Variants in NFASC observed in about 807,000 individuals in gnomAD.
NFASC encodes neurofascin.
A neutral mutation model predicts 147.5 loss-of-function variants in NFASC; 43 were observed. The observed-to-expected ratio is 0.29, with a 90% CI of 0.23 to 0.38. NFASC has a LOEUF of 0.38. Ranked by LOEUF, NFASC falls within the 10% of genes least tolerant of loss-of-function variation. The pLI is 1.00. For synonymous variants in NFASC, 622 were observed against 665.5 expected, an observed-to-expected ratio of 0.93 and a Z score of 1.01; for missense variants, 1,320 against 1,689.0, an observed-to-expected ratio of 0.78 and a Z score of 3.83.
chr1:204,830,436 G>A (rs1266630832), intron 1 of NFASC, among the ~76,000 whole-genome samples: 1 of 152,172 alleles, frequency 6.6e-6, no homozygotes, highest in Non-Finnish European at 1.5e-5. Context: ...GATTGGATGT[G>A]GTGGAATTGC....
intron 8 of NFASC, 142 bp downstream of exon 8, chr1:204,957,968 C>T: frequency 1.4e-5 from 10 of 709,322 alleles, no homozygotes; most frequent in Non-Finnish European, 2.1e-5. Flanking sequence ...GGTGCCTGAG[C>T]CACTTCAGCT....
At chr1:205,009,079 C>T (rs145338804) in intron 27 of NFASC, 5,895 of 246,664 alleles carry the variant, frequency 0.024, 101 homozygotes, top group Non-Finnish European at 0.036. Context: ...TGCAGGCCTG[C>T]GAAGGTGTTC....
chr1:204,887,099 G>C (rs2081437315), intron 1 of NFASC, among the ~76,000 whole-genome samples: 1 of 152,036 alleles, frequency 6.6e-6, no homozygotes, highest in South Asian at 2.1e-4. Context: ...TCCATCTCCA[G>C]AACTTTCTCA....
intron 27 of NFASC, among the ~76,000 whole-genome samples, chr1:205,006,819 G>T (rs781695352): frequency 2.0e-5 from 3 of 152,194 alleles, no homozygotes; most frequent in Non-Finnish European, 4.4e-5. Flanking sequence ...ATCAAGGCAG[G>T]GGGCAGGAAG....
intron 10 of NFASC, 59 bp downstream of exon 10, chr1:204,969,041 C>T: frequency 6.7e-7 from 1 of 1,502,348 alleles, no homozygotes; most frequent in Non-Finnish European, 9.1e-7. Flanking sequence ...CCATGCCCAC[C>T]CTTCCCTCTG....
chr1:204,986,150 G>A lies in NFASC; in HGVS notation c.2471-1268G>A, dbSNP rs1270466890. On this transcript the variant is annotated intron_variant, in intron 21 of 29. Coordinates refer to ENST00000339876, the MANE Select transcript of NFASC (RefSeq NM_001005388.3). The surrounding 1 kb of genome is among the most constrained non-coding windows in gnomAD (Gnocchi z 4.2). ...CCTGCAGCTCTTCAGGGTGGGGCAG[G>A]AGAAGGGTGGCACACACCTTGGGCC... 3 of 1,492,924 alleles carry A rather than the reference G, an allele frequency of 2.0e-6. No homozygotes were observed. The highest frequency in any genetic ancestry group is 2.3e-5 in the East Asian group (1 of 44,292). 92.5% of individuals were successfully genotyped at this position (1,492,924 alleles called of 1,614,324 possible). A position where few individuals can be genotyped will look rare whatever the true frequency, so the allele number is the denominator to read the frequency against.
intron 2 of NFASC, among the ~76,000 whole-genome samples, chr1:204,925,717 A>C (rs1038395855): frequency 6.6e-6 from 1 of 152,118 alleles, no homozygotes; most frequent in African/African-American, 2.4e-5. Flanking sequence ...TGGTTTTCAA[A>C]TGGCTTTAGG....
chr1:204,906,487 C>T (rs922480134), intron 1 of NFASC, among the ~76,000 whole-genome samples: 6 of 152,144 alleles, frequency 3.9e-5, no homozygotes, highest in Admixed American at 1.3e-4. Context: ...TCTTTTACTT[C>T]ATGTATTTGA....
At chr1:204,976,149 A>G (rs1341103181) in intron 15 of NFASC, among the ~76,000 whole-genome samples, 1 of 151,474 alleles carries the variant, frequency 6.6e-6, no homozygotes, top group East Asian at 1.9e-4. Context: ...CCCTCTGTAA[A>G]CCTTCTGGCA....
At chr1:204,900,554 T>C (rs1352181397) in intron 1 of NFASC, among the ~76,000 whole-genome samples, 1 of 152,214 alleles carries the variant, frequency 6.6e-6, no homozygotes, top group Non-Finnish European at 1.5e-5. Context: ...AGAATCGCTG[T>C]CTCTCAAGGA....
rs1289487493 is a variant in NFASC, at chr1:204,979,644, A to C, written c.2176+85A>C. 7.6e-6 allele frequency: 10 copies of C among 1,313,264 alleles called. No individual in the cohort carries two copies. Among genetic ancestry groups the C allele is most frequent in the South Asian group, 2.4e-5 (2 of 84,332 alleles). The allele number at this position is 1,313,264 out of a possible 1,614,324, so 81.4% of individuals were successfully genotyped here. On this transcript the variant is annotated intron_variant, in intron 19 of 29. Coordinates refer to ENST00000339876, the MANE Select transcript of NFASC (RefSeq NM_001005388.3). This position sits in a 1 kb window ranked among gnomAD's most constrained non-coding sequence, Gnocchi z 6.0. ...AGATCCCCCCATTCCCAGCCATGTG[A>C]ACTTAGGTTACTTAACTTCTCCAAG...
intron 1 of NFASC, among the ~76,000 whole-genome samples, chr1:204,839,379 AC>A (rs1674639441): frequency 1.1e-5 from 1 of 87,458 alleles, no homozygotes; most frequent in Non-Finnish European, 2.0e-5. Context: ...ACACACACAC[AC>A]ACACACACAC....
At chr1:204,938,396 A>T (rs1033537097) in intron 2 of NFASC, among the ~76,000 whole-genome samples, 4 of 152,218 alleles carry the variant, frequency 2.6e-5, no homozygotes, top group African/African-American at 9.7e-5. Context: ...GCTGTGCCCC[A>T]TGCTTTACCA....
At chr1:204,848,848 C>G (rs921491227) in intron 1 of NFASC, among the ~76,000 whole-genome samples, 1 of 152,190 alleles carries the variant, frequency 6.6e-6, no homozygotes, top group African/African-American at 2.4e-5. Flanking sequence ...AGCTTAGAAG[C>G]AAAGCGTTCA....
intron 8 of NFASC, among the ~76,000 whole-genome samples, chr1:204,964,043 GC>G (rs1417219106): frequency 1.3e-5 from 2 of 152,202 alleles, no homozygotes; most frequent in African/African-American, 4.8e-5. Flanking sequence ...ATTGTAACTT[GC>G]CGCTTAGGAT....
intron 1 of NFASC, among the ~76,000 whole-genome samples, chr1:204,868,606 G>T (rs1445954871): frequency 6.6e-6 from 1 of 152,208 alleles, no homozygotes; most frequent in Non-Finnish European, 1.5e-5. Flanking sequence ...TGAGAAAGGG[G>T]CTGCTGTCCA....
In NFASC at chr1:204,957,204, C is replaced by T. The variant is rs182009574; in HGVS notation, c.536-452C>T. Among the ~76,000 whole-genome samples the T allele has an allele frequency of 1.0e-3, 154 of 152,268 alleles. 1 individual carries two copies. The highest frequency in any genetic ancestry group is 3.4e-3 in the African/African-American group (143 of 41,552). On this transcript the variant is annotated intron_variant, in intron 7 of 29. Transcript: ENST00000339876. Reference sequence around the variant, plus strand: ...AAACTGTTGAGTGACTCCTATATGCCGAGTCCTAAGACAGGTGCTGGGGCA... The same window carrying T: ...AAACTGTTGAGTGACTCCTATATGCTGAGTCCTAAGACAGGTGCTGGGGCA...
At chr1:204,868,888 A>G (rs2077338073) in intron 1 of NFASC, among the ~76,000 whole-genome samples, 1 of 152,154 alleles carries the variant, frequency 6.6e-6, no homozygotes, top group Admixed American at 6.5e-5. Flanking sequence ...TGATCTCTCC[A>G]TTAACCCCTC....
At chr1:204,892,124 A>G (rs2082526880) in intron 1 of NFASC, among the ~76,000 whole-genome samples, 1 of 152,216 alleles carries the variant, frequency 6.6e-6, no homozygotes, top group Non-Finnish European at 1.5e-5. Context: ...AGAGTTGGTA[A>G]AAAGGAAATA....
Sources: gnomAD v4.1 joint callset for allele counts (sites outside exome capture counted in the v4.1 genomes callset) on GRCh38, gnomAD v4.1.1 for gene constraint, Gnocchi (gnomAD v3.1) non-coding constraint, MANE v1.5 for transcripts, NCBI Gene and HGNC (gene_info 2026-07-23, HGNC 2026-07-21) for gene names.